The following AGMO variants were observed in gnomAD, a reference collection of about 807,000 sequenced individuals.
AGMO encodes glyceryl-ether monooxygenase.
In AGMO, 75 loss-of-function variants were observed where a neutral mutation model predicts 60.2. The ratio of observed to expected loss-of-function variants is 1.25; its 90% confidence interval spans 1.03 to 1.51. The LOEUF (loss-of-function observed/expected upper bound fraction) is 1.51. Among genes scored for constraint, AGMO ranks in the 40% most tolerant of loss-of-function variants. The pLI is 0.00. For synonymous variants in AGMO, 261 were observed against 177.1 expected, an observed-to-expected ratio of 1.47 and a Z score of -3.76; for missense variants, 763 against 525.5, an observed-to-expected ratio of 1.45 and a Z score of -4.42.
chr7:15,493,524 C>A (rs1314823290), intron 3 of AGMO, among the ~76,000 whole-genome samples: 1 of 151,316 alleles, frequency 6.6e-6, no homozygotes, highest in Non-Finnish European at 1.5e-5. Context: ...CAGGCGCCCG[C>A]CACCACACCC....
the AGMO span, among the ~76,000 whole-genome samples, chr7:15,166,425 A>T: frequency 7.2e-5 from 11 of 152,222 alleles, no homozygotes; most frequent in East Asian, 1.9e-3. Context: ...GGAGGGAGAG[A>T]GTAGTAAAGG....
chr7:15,183,010 C>A, the AGMO span, among the ~76,000 whole-genome samples: 1 of 152,022 alleles, frequency 6.6e-6, no homozygotes, highest in African/African-American at 2.4e-5. Context: ...GATATCCACC[C>A]CCATGATTCA....
rs1245506268 is a variant in AGMO at position 15,323,029 on chromosome 7, G to A, written c.1263+42485C>T. ...ATCAAGAAAGGAAATTTTGTAGGTC[G>A]TTATGTACACAACTGTGATCATCTT... is the stretch of plus-strand genomic sequence containing the variant. On this transcript the variant is annotated intron_variant, in intron 12 of 12. Transcript: ENST00000342526. Among the ~76,000 whole-genome samples the A allele has an allele frequency of 3.5e-5, 5 of 142,758 alleles. No individual in the cohort carries two copies. In the East Asian group the frequency reaches 6.1e-4, roughly 18 times the overall value. The allele number at this position is 142,758 out of a possible 152,430, so 93.7% of individuals were successfully genotyped here. A position where few individuals can be genotyped will look rare whatever the true frequency, so the allele number is the denominator to read the frequency against.
intron 12 of AGMO, among the ~76,000 whole-genome samples, chr7:15,321,315 C>T (rs918573255): frequency 6.6e-6 from 1 of 152,270 alleles, no homozygotes; most frequent in African/African-American, 2.4e-5. Context: ...CTACATTATG[C>T]ATGCACCTTT....
intron 3 of AGMO, among the ~76,000 whole-genome samples, chr7:15,448,845 T>C (rs1301959555): frequency 6.6e-6 from 1 of 152,178 alleles, no homozygotes; most frequent in Non-Finnish European, 1.5e-5. Flanking sequence ...AATTAAAATG[T>C]GTAGAGATCT....
chr7:15,531,238 T>A (rs1290338397), intron 3 of AGMO, among the ~76,000 whole-genome samples: 1 of 50,116 alleles, frequency 2.0e-5, no homozygotes, highest in Non-Finnish European at 3.4e-5. Context: ...TATATATATA[T>A]TCTATATATT....
chr7:15,448,983 G>T (rs1174692369), intron 3 of AGMO, among the ~76,000 whole-genome samples: 2 of 152,140 alleles, frequency 1.3e-5, no homozygotes, highest in African/African-American at 4.8e-5. Flanking sequence ...TAGAGCTGGA[G>T]TTTAAATCCA....
intron 3 of AGMO, among the ~76,000 whole-genome samples, chr7:15,448,322 C>G (rs1040834832): frequency 5.3e-5 from 8 of 152,122 alleles, no homozygotes; most frequent in African/African-American, 1.9e-4. Context: ...AAAGAGATCC[C>G]GCACCTCTTC....
At chr7:15,463,253 T>C (rs919067538) in intron 3 of AGMO, among the ~76,000 whole-genome samples, 12 of 152,108 alleles carry the variant, frequency 7.9e-5, no homozygotes, top group Non-Finnish European at 1.5e-4. Context: ...TAAGTAGAGG[T>C]AATGGACATG....
chr7:15,378,270 T>C (rs1015274700), intron 10 of AGMO, among the ~76,000 whole-genome samples: 1 of 152,034 alleles, frequency 6.6e-6, no homozygotes, highest in Non-Finnish European at 1.5e-5. Context: ...TGGGTTCCTA[T>C]ATGAAGAATA....
At chr7:15,242,968 A>C (rs75209431) in intron 12 of AGMO, among the ~76,000 whole-genome samples, 1,878 of 152,198 alleles carry the variant, frequency 0.012, 40 homozygotes, top group African/African-American at 0.043. Flanking sequence ...TCAAAAAATA[A>C]GCATTATTGG....
At chr7:15,467,165 C>T (rs1044814514) in intron 3 of AGMO, among the ~76,000 whole-genome samples, 5 of 151,956 alleles carry the variant, frequency 3.3e-5, no homozygotes, top group Admixed American at 6.6e-5. Context: ...ATATGGAAAA[C>T]GCAATCCAGA....
intron 3 of AGMO, among the ~76,000 whole-genome samples, chr7:15,440,173 A>G (rs972339253): frequency 5.9e-5 from 9 of 152,172 alleles, no homozygotes; most frequent in African/African-American, 1.9e-4. Flanking sequence ...CTTATGTCCA[A>G]TAAGTACCAG....
intron 1 of AGMO, 100 bp downstream of exon 1, chr7:15,561,620 A>C (rs1291431896): frequency 8.8e-7 from 1 of 1,134,612 alleles, no homozygotes; most frequent in East Asian, 2.7e-5. Context: ...GAATGTAATC[A>C]TTTGAATAAT....
At chr7:15,319,233 G>A (rs1221661343) in intron 12 of AGMO, among the ~76,000 whole-genome samples, 1 of 152,146 alleles carries the variant, frequency 6.6e-6, no homozygotes, top group Non-Finnish European at 1.5e-5. Flanking sequence ...TTAAAATATG[G>A]TTGAGGGAAA....
At chr7:15,331,915 A>G (rs1583417470) in intron 12 of AGMO, among the ~76,000 whole-genome samples, 2 of 148,044 alleles carry the variant, frequency 1.4e-5, no homozygotes, top group African/African-American at 5.1e-5. Context: ...AACAAGAGTA[A>G]AACTGTCTCA....
intron 3 of AGMO, among the ~76,000 whole-genome samples, chr7:15,447,604 G>T (rs1781734279): frequency 1.3e-5 from 2 of 152,058 alleles, no homozygotes; most frequent in East Asian, 1.9e-4. Flanking sequence ...AGGCTAGAGT[G>T]CAGTGGCACG....
intron 12 of AGMO, among the ~76,000 whole-genome samples, chr7:15,213,219 TA>T: frequency 6.6e-6 from 1 of 151,934 alleles, no homozygotes; most frequent in Middle Eastern, 3.4e-3. Context: ...ATCAAAAATA[TA>T]AAGAAGTCTT....
the AGMO span, among the ~76,000 whole-genome samples, chr7:15,172,703 G>A: frequency 6.6e-6 from 1 of 152,082 alleles, no homozygotes; most frequent in African/African-American, 2.4e-5. Flanking sequence ...TGATGCTCCA[G>A]AGGTGTGAGG....
Sources: allele counts gnomAD v4.1 joint callset (sites outside exome capture counted in the v4.1 genomes callset), GRCh38; gene constraint gnomAD v4.1.1; transcripts MANE v1.5; gene names NCBI Gene and HGNC (gene_info 2026-07-23, HGNC 2026-07-21).